Variants in IGSF9B observed in about 807,000 individuals in gnomAD.
IGSF9B encodes the protein immunoglobulin superfamily member 9B, also known as protein turtle homolog B.
Under a neutral mutation model 143.7 loss-of-function variants are expected in IGSF9B, and 48 were observed. That is an observed-to-expected ratio of 0.33 (90% CI 0.26 to 0.42). IGSF9B has a LOEUF of 0.42. Among genes scored for constraint, IGSF9B ranks in the 20% least tolerant of loss-of-function variants. The pLI is 1.00. For missense variants in IGSF9B, 1,706 were observed against 1,980.0 expected (o/e 0.86, Z 2.63); for synonymous variants, 903 against 833.1 (o/e 1.08, Z -1.44).
Position 133,956,738 on chromosome 11 carries a change from GC to G in IGSF9B, c.16del (p.Ala6ProfsTer4). Reference sequence around the variant, plus strand: ...GCCGATCACACTTGCTATGAAAGTGGCCACATACCAAATCATAGTACTACCG... The same window carrying G: ...GCCGATCACACTTGCTATGAAAGTGGCACATACCAAATCATAGTACTACCG... MIWYV[A>X]TFIASVIGTR... On this transcript the variant is annotated frameshift_variant, in exon 1 of 20. Transcript: ENST00000533871. LOFTEE classifies it high-confidence loss of function. The G allele has an allele frequency of 6.5e-7, 1 of 1,539,984 alleles. No individual in the cohort carries two copies. Among genetic ancestry groups the G allele is most frequent in the Non-Finnish European group, 8.7e-7 (1 of 1,144,302 alleles).
intron 18 of IGSF9B, among the ~76,000 whole-genome samples, chr11:133,915,298 G>A (rs1477043393): frequency 1.5e-5 from 2 of 136,280 alleles, no homozygotes; most frequent in African/African-American, 5.4e-5. Context: ...TTTGAGACAG[G>A]GTCTCTGTCA....
At chr11:133,952,155 A>C (rs769910408) in intron 1 of IGSF9B, 18 of 419,996 alleles carry the variant, frequency 4.3e-5, no homozygotes, top group Non-Finnish European at 7.4e-5. Flanking sequence ...TTATTCACGC[A>C]AGAGAGAACA....
intron 3 of IGSF9B, 188 bp from the exon 4 acceptor site, chr11:133,938,149 C>T: frequency 1.6e-6 from 1 of 630,368 alleles, no homozygotes; most frequent in Non-Finnish European, 2.7e-6. Context: ...CATCCAAACT[C>T]AGGCTGGCTG....
chr11:133,956,410 G>T (rs1283436073), intron 1 of IGSF9B, among the ~76,000 whole-genome samples: 3 of 152,116 alleles, frequency 2.0e-5, no homozygotes, highest in Non-Finnish European at 4.4e-5. Context: ...CCCGTGGTGG[G>T]CGAAGTCGAC....
At chr11:133,918,348 G>A (rs999944342) in intron 18 of IGSF9B, among the ~76,000 whole-genome samples, 1 of 152,126 alleles carries the variant, frequency 6.6e-6, no homozygotes, top group Non-Finnish European at 1.5e-5. Context: ...CGGCCGGGGG[G>A]CACCGCCCAC....
chr11:133,931,225 C>G lies in IGSF9B; in HGVS notation c.1369-91G>C. On this transcript the variant is annotated intron_variant, in intron 10 of 19. Transcript: ENST00000533871. This position sits in a 1 kb window ranked among gnomAD's most constrained non-coding sequence, Gnocchi z 7.7. The stretch of plus-strand genomic sequence containing the variant: ...CAGATGGGGAGGACGCGCCTGAGAC[C>G]CCGGCCCGCCCACGCTGCCCTCCTC... 2 of 1,334,384 alleles carry G rather than the reference C, an allele frequency of 1.5e-6. No individual in the cohort carries two copies. Among genetic ancestry groups the G allele is most frequent in the Non-Finnish European group, 2.1e-6 (2 of 960,370 alleles). The allele number at this position is 1,334,384 out of a possible 1,614,324, so 82.7% of individuals were successfully genotyped here.
intron 3 of IGSF9B, among the ~76,000 whole-genome samples, chr11:133,941,392 A>AT (rs1298591778): frequency 6.6e-6 from 1 of 152,242 alleles, no homozygotes; most frequent in African/African-American, 2.4e-5. Context: ...CCGAAGGAAA[A>AT]TGAGACAATT....
At chr11:133,932,344 A>T (rs1207159445) in intron 7 of IGSF9B, 131 bp from the exon 8 acceptor site, 1 of 910,558 alleles carries the variant, frequency 1.1e-6, no homozygotes, top group East Asian at 2.7e-5. Flanking sequence ...AGACAGACAG[A>T]CAGACAGACA....
At position 133,898,831 on chromosome 11, in the gene IGSF9B, G is replaced by A. The variant is rs2121247339; in HGVS notation, c.*10238C>T. On this transcript the variant is annotated 3_prime_UTR_variant, in exon 20 of 20. Transcript: ENST00000533871. ...TGCCACAGGCAACCCCCTGTGGACA[G>A]GAAGTGTGTGTGCAGGCTTGCCTCT... is the stretch of plus-strand genomic sequence containing the variant. The A allele has an allele frequency of 6.6e-6, 1 of 152,420 alleles. No individual in the cohort carries two copies. Among genetic ancestry groups the A allele is most frequent in the African/African-American group, 2.4e-5 (1 of 41,580 alleles). 9.4% of individuals were successfully genotyped at this position (152,420 alleles called of 1,614,324 possible). A position where few individuals can be genotyped will look rare whatever the true frequency, so the allele number is the denominator to read the frequency against.
Position 133,914,375 on chromosome 11 carries a change from A to C in IGSF9B, c.3984-2368T>G, listed in dbSNP as rs570377737. 2.0e-5 allele frequency among the ~76,000 whole-genome samples: 3 copies of C among 152,302 alleles called. No homozygotes were observed. In the East Asian group the frequency reaches 5.8e-4, roughly 29 times the overall value. ...CAAAGGTATAGCAGCTACAAAGAAG[A>C]AAAGCATGGCATCCCCGCCACACCT... On this transcript the variant is annotated intron_variant, in intron 18 of 19. Transcript: ENST00000533871.
At chr11:133,946,502 G>A (rs748474243) in intron 1 of IGSF9B, among the ~76,000 whole-genome samples, 1 of 151,352 alleles carries the variant, frequency 6.6e-6, no homozygotes, top group Non-Finnish European at 1.5e-5. Context: ...GAGGAAAAGA[G>A]AGGGAAGCCA....
intron 1 of IGSF9B, among the ~76,000 whole-genome samples, chr11:133,949,595 G>C (rs1469593376): frequency 1.3e-5 from 2 of 152,178 alleles, no homozygotes; most frequent in Non-Finnish European, 2.9e-5. Context: ...GGAGGGGCCA[G>C]GTGTGGAGCC....
At chr11:133,915,409 T>C (rs1340502242) in intron 18 of IGSF9B, among the ~76,000 whole-genome samples, 1 of 151,620 alleles carries the variant, frequency 6.6e-6, no homozygotes, top group African/African-American at 2.4e-5. Flanking sequence ...GCTGGGACTA[T>C]AGGCATGTGC....
At position 133,906,715 on chromosome 11, in the gene IGSF9B, G is replaced by C. The variant is rs1315630979; in HGVS notation, c.*2354C>G. On this transcript the variant is annotated 3_prime_UTR_variant, in exon 20 of 20. Transcript: ENST00000533871. ...AACCTGAGGGCTGGAATTCCCAGGA[G>C]GGTGCTCAGAAAAGTAGGCCAAATT... Among the ~76,000 whole-genome samples the C allele has an allele frequency of 6.6e-6, 1 of 152,116 alleles. No individual in the cohort carries two copies. The highest frequency in any genetic ancestry group is 2.4e-5 in the African/African-American group (1 of 41,420).
chr11:133,922,288 G>A lies in IGSF9B; in HGVS notation c.2282-66C>T, dbSNP rs183322642. ...CAGCAACCACGCAGCACGCGCATCTGCAGAGGCTGACAGAGCCGGAGCACC... is the reference window on the plus strand; with the variant it reads ...CAGCAACCACGCAGCACGCGCATCTACAGAGGCTGACAGAGCCGGAGCACC... On this transcript the variant is annotated intron_variant, in intron 16 of 19. Coordinates refer to ENST00000533871, the MANE Select transcript of IGSF9B (RefSeq NM_001277285.4). 156 of 1,420,924 alleles carry A rather than the reference G, an allele frequency of 1.1e-4. No individual in the cohort carries two copies. The African/African-American group carries it at 1.7e-3, about 16-fold the overall frequency. The allele number at this position is 1,420,924 out of a possible 1,614,324, so 88.0% of individuals were successfully genotyped here.
At chr11:133,912,214 C>T (rs1361248785) in intron 18 of IGSF9B, 1 of 705,414 alleles carries the variant, frequency 1.4e-6, no homozygotes, top group African/African-American at 1.8e-5. Context: ...AGGAGCATGG[C>T]CCACCTCGGA....
chr11:133,933,378 G>A (rs1240321690), intron 7 of IGSF9B, among the ~76,000 whole-genome samples: 1 of 152,202 alleles, frequency 6.6e-6, no homozygotes, highest in South Asian at 2.1e-4. Context: ...CCACAAAGGG[G>A]GTATTTTTCC....
Position 133,932,240 on chromosome 11 carries a change from A to G in IGSF9B, c.968-27T>C, listed in dbSNP as rs1441322769. The G allele has an allele frequency of 2.6e-6, 4 of 1,542,748 alleles. No individual in the cohort carries two copies. The East Asian group carries it at 7.4e-5, about 28-fold the overall frequency. On this transcript the variant is annotated intron_variant, in intron 7 of 19. Transcript: ENST00000533871. ...TGCATAGAGGAAGCGCAGGTGAGAG[A>G]GCAGACAGACAGACACAGGGACAGA...
chr11:133,902,168 C>T lies in IGSF9B; in HGVS notation c.*6901G>A, dbSNP rs541604811. 1.4e-4 allele frequency among the ~76,000 whole-genome samples: 20 copies of T among 142,940 alleles called. No homozygotes were observed. The highest frequency in any genetic ancestry group is 5.2e-4 in the African/African-American group (20 of 38,108). 93.8% of individuals were successfully genotyped at this position (142,940 alleles called of 152,430 possible). On this transcript the variant is annotated 3_prime_UTR_variant, in exon 20 of 20. Coordinates refer to ENST00000533871, the MANE Select transcript of IGSF9B (RefSeq NM_001277285.4). ...AACACACCAGACACACCACACACAC[C>T]AAACACACACACACCAAACACACCA...
Sources: gnomAD v4.1 joint callset for allele counts (sites outside exome capture counted in the v4.1 genomes callset) on GRCh38, gnomAD v4.1.1 for gene constraint, Gnocchi (gnomAD v3.1) non-coding constraint, MANE v1.5 for transcripts, NCBI Gene and HGNC (gene_info 2026-07-23, HGNC 2026-07-21) for gene names.